The following MTHFSD variants were observed in gnomAD, a reference collection of about 807,000 sequenced individuals.
MTHFSD encodes methenyltetrahydrofolate synthase domain-containing protein.
In MTHFSD, 37 loss-of-function variants were observed where a neutral mutation model predicts 31.1. That is an observed-to-expected ratio of 1.19 (90% CI 0.91 to 1.56). MTHFSD has a LOEUF of 1.56. Ranked by LOEUF, MTHFSD falls within the 40% of genes most tolerant of loss-of-function variation. The pLI is 0.00. For synonymous variants in MTHFSD, 221 were observed against 206.9 expected (o/e 1.07, Z -0.59); for missense variants, 664 against 510.1 (o/e 1.30, Z -2.91).
intron 7 of MTHFSD, chr16:86,535,581 A>C: frequency 1.1e-6 from 1 of 878,746 alleles, no homozygotes; most frequent in Non-Finnish European, 1.3e-6. Flanking sequence ...GCCTTTTTAT[A>C]ACTAATTCTA....
chr16:86,544,028 G>A (rs562405394), intron 5 of MTHFSD, among the ~76,000 whole-genome samples: 1 of 152,202 alleles, frequency 6.6e-6, no homozygotes, highest in Admixed American at 6.5e-5. Context: ...GGACCGTCTA[G>A]TTGCAGGAAA....
At chr16:86,552,011 C>A in intron 3 of MTHFSD, 22 bp downstream of exon 3, 4 of 1,613,722 alleles carry the variant, frequency 2.5e-6, no homozygotes, top group Non-Finnish European at 3.4e-6. Flanking sequence ...GGTCTCGGCT[C>A]GGCTCAGGGA....
chr16:86,531,888 C>T lies in MTHFSD; in HGVS notation c.*123G>A, dbSNP rs1294513784. The T allele has an allele frequency of 1.3e-5, 8 of 596,778 alleles. No individual in the cohort carries two copies. Among genetic ancestry groups the T allele is most frequent in the African/African-American group, 5.8e-5 (3 of 51,748 alleles). 37.0% of individuals were successfully genotyped at this position (596,778 alleles called of 1,614,324 possible). ...GTGACTTCTGAGAAGAATTGAGACC[C>T]GAGCAGCTCAGGCGGTGGCTCCGAC... is the stretch of plus-strand genomic sequence containing the variant. On this transcript the variant is annotated 3_prime_UTR_variant, in exon 8 of 8. Coordinates refer to ENST00000360900, the MANE Select transcript of MTHFSD (RefSeq NM_001159377.2). This position sits in a 1 kb window ranked among gnomAD's most constrained non-coding sequence, Gnocchi z 5.5.
intron 7 of MTHFSD, among the ~76,000 whole-genome samples, chr16:86,534,833 G>A (rs1379380251): frequency 6.6e-6 from 1 of 152,096 alleles, no homozygotes; most frequent in African/African-American, 2.4e-5. Flanking sequence ...GTGCAGTAAG[G>A]GGTAGGGGTT....
At position 86,542,534 on chromosome 16, in the gene MTHFSD, A is replaced by G; in HGVS notation, c.443-321T>C. 4.3e-6 allele frequency: 1 copy of G among 230,132 alleles called. No individual in the cohort carries two copies. The allele number at this position is 230,132 out of a possible 1,614,324, so 14.3% of individuals were successfully genotyped here. The stretch of plus-strand genomic sequence containing the variant: ...TTATGTTAGCAAGACTCATACTTAA[A>G]AAGAATGAAAAGAGCAGTTCTCAAA... On this transcript the variant is annotated intron_variant, in intron 5 of 7. Transcript: ENST00000360900. This position sits in a 1 kb window ranked among gnomAD's most constrained non-coding sequence, Gnocchi z 4.6.
rs1314955035 is a variant in MTHFSD at position 86,531,105 on chromosome 16, C to G, written c.*906G>C. 1 of 152,182 alleles carries G rather than the reference C, an allele frequency of 6.6e-6. No individual in the cohort carries two copies. Among genetic ancestry groups the G allele is most frequent in the Non-Finnish European group, 1.5e-5 (1 of 68,030 alleles). The allele number at this position is 152,182 out of a possible 1,614,324, so 9.4% of individuals were successfully genotyped here. On this transcript the variant is annotated 3_prime_UTR_variant, in exon 8 of 8. Transcript: ENST00000360900. This position sits in a 1 kb window ranked among gnomAD's most constrained non-coding sequence, Gnocchi z 5.5. ...CCCTCTGGCTAAAAAATCAAAATTT[C>G]CAAAGCATATACATTTGAAAAAAAC...
At chr16:86,555,145 C>A in intron 1 of MTHFSD, 24 bp downstream of exon 1, 1 of 1,534,576 alleles carries the variant, frequency 6.5e-7, no homozygotes, top group East Asian at 2.4e-5. Flanking sequence ...CCCAGCCGCC[C>A]CGGAGCCCCG....
intron 1 of MTHFSD, 94 bp from the exon 2 acceptor site, chr16:86,554,845 G>A (rs1973840825): frequency 8.6e-6 from 10 of 1,165,394 alleles, no homozygotes; most frequent in South Asian, 1.4e-5. Context: ...CCCGCGTGTA[G>A]GTCAAACCGG....
chr16:86,532,544 G>T, intron 7 of MTHFSD, 63 bp from the exon 8 acceptor site: 1 of 1,276,528 alleles, frequency 7.8e-7, no homozygotes, highest in Non-Finnish European at 1.0e-6. Context: ...TGCCACACAC[G>T]CATCCACACC....
At position 86,535,220 on chromosome 16, in the gene MTHFSD, G is replaced by A. The variant is rs1288564323; in HGVS notation, c.682-2739C>T. 4.1e-6 allele frequency: 4 copies of A among 985,348 alleles called. No individual in the cohort carries two copies. The South Asian group carries it at 1.4e-4, about 35-fold the overall frequency. 61.0% of individuals were successfully genotyped at this position (985,348 alleles called of 1,614,324 possible). ...TGGCATCCGCAGGGGCCGTTAGAAT[G>A]GAAATGTGGAAGTGTGTTCCACTGC... On this transcript the variant is annotated intron_variant, in intron 7 of 7. Transcript: ENST00000360900.
At chr16:86,552,257 C>G in intron 2 of MTHFSD, 111 bp from the exon 3 acceptor site, 1 of 1,606,118 alleles carries the variant, frequency 6.2e-7, no homozygotes, top group Non-Finnish European at 8.5e-7. Flanking sequence ...TGAACGCCTG[C>G]AAGCGTGGGA....
intron 4 of MTHFSD, among the ~76,000 whole-genome samples, chr16:86,547,867 G>C (rs1430093830): frequency 6.6e-6 from 1 of 152,040 alleles, no homozygotes; most frequent in Non-Finnish European, 1.5e-5. Flanking sequence ...TAAATGACTT[G>C]GAGTTTACCT....
At chr16:86,548,880 A>C (rs1972720223) in intron 3 of MTHFSD, among the ~76,000 whole-genome samples, 1 of 152,234 alleles carries the variant, frequency 6.6e-6, no homozygotes, top group Admixed American at 6.5e-5. Context: ...ACAGAAATCC[A>C]AACTAAGGTC....
chr16:86,554,937 C>A, intron 1 of MTHFSD, 186 bp from the exon 2 acceptor site: 1 of 1,197,170 alleles, frequency 8.4e-7, no homozygotes, highest in East Asian at 2.6e-5. Context: ...AGGTGTCCCT[C>A]CCGCCTCGTC....
chr16:86,535,686 T>C (rs537557251), intron 7 of MTHFSD, among the ~76,000 whole-genome samples: 122 of 152,286 alleles, frequency 8.0e-4, no homozygotes, highest in Non-Finnish European at 1.5e-3. Context: ...ACTTTCAAGA[T>C]TTCCGATTGA....
Position 86,544,797 on chromosome 16 carries a change from G to A in MTHFSD, c.442+1762C>T, listed in dbSNP as rs7499288. Among the ~76,000 whole-genome samples the A allele has an allele frequency of 2.0e-5, 3 of 152,116 alleles. No individual in the cohort carries two copies. The South Asian group carries it at 6.2e-4, about 32-fold the overall frequency. The stretch of plus-strand genomic sequence containing the variant: ...CACTATTCACAATAACAATGACATG[G>A]AATCAACCCAAATGCTCATCAACGA... On this transcript the variant is annotated intron_variant, in intron 5 of 7. Coordinates refer to ENST00000360900, the MANE Select transcript of MTHFSD (RefSeq NM_001159377.2).
At chr16:86,545,518 C>A (rs773462665) in intron 5 of MTHFSD, among the ~76,000 whole-genome samples, 2 of 152,134 alleles carry the variant, frequency 1.3e-5, no homozygotes, top group Admixed American at 6.5e-5. Flanking sequence ...CTCAAGGCTG[C>A]TGAGAAGGGG....
chr16:86,548,905 C>A (rs1972726150), intron 3 of MTHFSD, among the ~76,000 whole-genome samples: 1 of 152,226 alleles, frequency 6.6e-6, no homozygotes, highest in African/African-American at 2.4e-5. Flanking sequence ...CTGACAAAAT[C>A]CCAACCTCAA....
chr16:86,551,877 T>C (rs1216012629), intron 3 of MTHFSD, 156 bp downstream of exon 3: 17 of 1,399,202 alleles, frequency 1.2e-5, no homozygotes, highest in African/African-American at 1.4e-5. Context: ...TGAACTATTC[T>C]TGGAAAAATC....
Sources: gnomAD v4.1 joint callset for allele counts (sites outside exome capture counted in the v4.1 genomes callset) on GRCh38, gnomAD v4.1.1 for gene constraint, Gnocchi (gnomAD v3.1) non-coding constraint, MANE v1.5 for transcripts, NCBI Gene and HGNC (gene_info 2026-07-23, HGNC 2026-07-21) for gene names.